TRIO: variants seen among roughly 807,000 people sequenced by gnomAD.
TRIO encodes the protein trio Rho guanine nucleotide exchange factor.
In TRIO, 58 loss-of-function variants were observed where a neutral mutation model predicts 351.9. The ratio of observed to expected loss-of-function variants is 0.16; its 90% CI spans 0.13 to 0.21. The LOEUF (loss-of-function observed/expected upper bound fraction) is 0.21. Among genes scored for constraint, TRIO ranks in the 10% least tolerant of loss-of-function variants. TRIO has a pLI of 1.00. For synonymous variants in TRIO, 1,758 were observed against 1,595.7 expected (o/e 1.10, Z -2.42); for missense variants, 3,201 against 4,027.8 (o/e 0.79, Z 5.56).
chr5:14,265,329 C>T (rs1795607908), intron 1 of TRIO, among the ~76,000 whole-genome samples: 1 of 151,974 alleles, frequency 6.6e-6, no homozygotes, highest in African/African-American at 2.4e-5. Context: ...TACTGGAAAA[C>T]TCATTTGACT....
At chr5:14,377,071 A>C (rs758797548) in intron 19 of TRIO, among the ~76,000 whole-genome samples, 2 of 151,584 alleles carry the variant, frequency 1.3e-5, no homozygotes, top group Non-Finnish European at 2.9e-5. Context: ...TATGTTCCCA[A>C]TGCTTAAAAA....
At chr5:14,265,430 A>G (rs1313843080) in intron 1 of TRIO, among the ~76,000 whole-genome samples, 1 of 152,146 alleles carries the variant, frequency 6.6e-6, no homozygotes, top group Non-Finnish European at 1.5e-5. Flanking sequence ...AATAAAACCT[A>G]TGTTTTACTT....
At position 14,380,970 on chromosome 5, in the gene TRIO, A is replaced by T. The variant is rs141881386; in HGVS notation, c.3448-160A>T. ...TTAAAAATTTTGTAATTGTGGTCAC[A>T]CTTCAGTTTTATTTAAGAAACTTGC... On this transcript the variant is annotated intron_variant, in intron 20 of 56. Coordinates refer to ENST00000344204, the MANE Select transcript of TRIO (RefSeq NM_007118.4). Among the ~76,000 whole-genome samples, 28 of 152,344 alleles carry T rather than the reference A, an allele frequency of 1.8e-4. No homozygotes were observed. The East Asian group carries it at 4.8e-3, about 26-fold the overall frequency.
chr5:14,153,721 G>A (rs146023470), intron 1 of TRIO, among the ~76,000 whole-genome samples: 47 of 152,232 alleles, frequency 3.1e-4, no homozygotes, highest in African/African-American at 1.0e-3. Context: ...TGGAATTTAA[G>A]CCCAGGGCTG....
At chr5:14,293,263 T>A in intron 6 of TRIO, 129 bp downstream of exon 6, 1 of 1,303,900 alleles carries the variant, frequency 7.7e-7, no homozygotes, top group Non-Finnish European at 1.1e-6. Context: ...CAGCTGACCT[T>A]CACATGGAGG....
At chr5:14,274,115 A>G (rs530796132) in intron 2 of TRIO, among the ~76,000 whole-genome samples, 1 of 152,318 alleles carries the variant, frequency 6.6e-6, no homozygotes, top group East Asian at 1.9e-4. Context: ...ATTATTTCAT[A>G]TCCCCCCAAA....
rs370782366 is a variant in TRIO, at chr5:14,497,043, C to T, written c.8019+26C>T. On this transcript the variant is annotated intron_variant, in intron 50 of 56. Transcript: ENST00000344204. This position sits in a 1 kb window ranked among gnomAD's most constrained non-coding sequence, Gnocchi z 4.4. The stretch of plus-strand genomic sequence containing the variant: ...GTGTGTTCGGGGGTCTTCAGGAGTC[C>T]GTGTCATCCCAGCATGAGAGAAAGG... The T allele has an allele frequency of 1.9e-5, 31 of 1,611,358 alleles. No homozygotes were observed. The highest frequency in any genetic ancestry group is 1.6e-4 in the African/African-American group (12 of 74,708).
At chr5:14,182,026 A>G (rs1441424161) in intron 1 of TRIO, among the ~76,000 whole-genome samples, 1 of 152,202 alleles carries the variant, frequency 6.6e-6, no homozygotes, top group African/African-American at 2.4e-5. Context: ...TTTGAATATG[A>G]ACACCACTTC....
At chr5:14,273,105 C>T (rs1453089448) in intron 2 of TRIO, among the ~76,000 whole-genome samples, 1 of 152,180 alleles carries the variant, frequency 6.6e-6, no homozygotes, top group Non-Finnish European at 1.5e-5. Context: ...GCCCCCAGCA[C>T]TGGCAATCAC....
chr5:14,458,815 C>T (rs1338082113), intron 34 of TRIO, among the ~76,000 whole-genome samples: 1 of 152,218 alleles, frequency 6.6e-6, no homozygotes, highest in Non-Finnish European at 1.5e-5. Flanking sequence ...ACCTCATTTG[C>T]ATTTTATCTT....
At chr5:14,146,416 C>G (rs920968900) in intron 1 of TRIO, among the ~76,000 whole-genome samples, 3 of 152,200 alleles carry the variant, frequency 2.0e-5, no homozygotes, top group African/African-American at 7.2e-5. Context: ...TTTCTCAGCC[C>G]TGAAACTCTG....
At chr5:14,422,250 G>A (rs898184503) in intron 34 of TRIO, among the ~76,000 whole-genome samples, 18 of 152,136 alleles carry the variant, frequency 1.2e-4, no homozygotes, top group African/African-American at 4.1e-4. Flanking sequence ...ACTCAGGGAC[G>A]GTATGGAACT....
chr5:14,410,260 C>G (rs895485693), intron 33 of TRIO, among the ~76,000 whole-genome samples: 1 of 152,174 alleles, frequency 6.6e-6, no homozygotes, highest in Admixed American at 6.5e-5. Flanking sequence ...TGCACGTTTG[C>G]TGCCCACGTG....
At chr5:14,414,469 C>T (rs1749471980) in intron 33 of TRIO, among the ~76,000 whole-genome samples, 1 of 152,202 alleles carries the variant, frequency 6.6e-6, no homozygotes, top group African/African-American at 2.4e-5. Context: ...ATCTTCACAT[C>T]AGAAAAGCAG....
At chr5:14,223,860 G>T (rs1263867406) in intron 1 of TRIO, among the ~76,000 whole-genome samples, 2 of 152,116 alleles carry the variant, frequency 1.3e-5, no homozygotes, top group East Asian at 3.8e-4. Flanking sequence ...GGTACATATT[G>T]TCTTACTGTT....
At chr5:14,243,195 C>T (rs1794233063) in intron 1 of TRIO, among the ~76,000 whole-genome samples, 2 of 152,160 alleles carry the variant, frequency 1.3e-5, no homozygotes, top group Non-Finnish European at 2.9e-5. Context: ...CTCTCCGGCT[C>T]CTGGGATTTT....
chr5:14,159,231 A>G (rs757586587), intron 1 of TRIO, among the ~76,000 whole-genome samples: 1 of 151,996 alleles, frequency 6.6e-6, no homozygotes, highest in African/African-American at 2.4e-5. Context: ...GGGATTGTGG[A>G]TAAGATTTGA....
intron 2 of TRIO, among the ~76,000 whole-genome samples, 198 bp downstream of exon 2, chr5:14,271,097 A>G (rs1005547130): frequency 3.3e-5 from 5 of 152,246 alleles, no homozygotes; most frequent in Admixed American, 2.6e-4. Flanking sequence ...GGCACATGAT[A>G]AGTTAGTTAG....
chr5:14,429,643 A>G (rs1481940821), intron 34 of TRIO, among the ~76,000 whole-genome samples: 2 of 152,166 alleles, frequency 1.3e-5, no homozygotes, highest in African/African-American at 2.4e-5. Flanking sequence ...TCTAAATAAG[A>G]GAAAGAAAAA....
Sources: allele counts gnomAD v4.1 joint callset (sites outside exome capture counted in the v4.1 genomes callset), GRCh38; gene constraint gnomAD v4.1.1; non-coding constraint Gnocchi (gnomAD v3.1); transcripts MANE v1.5; gene names NCBI Gene and HGNC (gene_info 2026-07-23, HGNC 2026-07-21).